ANTXRL: variants seen among roughly 807,000 people sequenced by gnomAD.
ANTXRL encodes the protein anthrax toxin receptor-like.
In ANTXRL, 63 loss-of-function variants were observed where a neutral mutation model predicts 75.4. The ratio of observed to expected loss-of-function variants is 0.84; its 90% CI spans 0.68 to 1.03. The LOEUF is 1.03. Among genes scored for constraint, ANTXRL ranks in the 50% least tolerant of loss-of-function variants. The pLI, the probability that ANTXRL is intolerant of heterozygous loss-of-function variation, is 0.00. For synonymous variants in ANTXRL, 335 were observed against 291.3 expected, an observed-to-expected ratio of 1.15 and a Z score of -1.53; for missense variants, 797 against 789.4, an observed-to-expected ratio of 1.01 and a Z score of -0.12.
upstream of ANTXRL, among the ~76,000 whole-genome samples, chr10:46,286,790 C>CCTAA (rs1378698446): frequency 6.6e-6 from 1 of 152,144 alleles, no homozygotes; most frequent in African/African-American, 2.4e-5. Context: ...AATGTCCTCA[C>CCTAA]CTAACTCACC....
intron 9 of ANTXRL, among the ~76,000 whole-genome samples, chr10:46,300,838 T>G (rs1470915110): frequency 2.6e-5 from 4 of 152,150 alleles, no homozygotes. Flanking sequence ...ATTTTCTTAT[T>G]TAGTTCTTTG....
chr10:46,310,053 G>T (rs1445484353), intron 13 of ANTXRL, among the ~76,000 whole-genome samples: 3 of 152,148 alleles, frequency 2.0e-5, no homozygotes, highest in African/African-American at 7.2e-5. Context: ...AGGGGAGGAA[G>T]CCCGGGACTC....
intron 13 of ANTXRL, among the ~76,000 whole-genome samples, chr10:46,310,234 A>G (rs114711352): frequency 0.032 from 4,815 of 152,074 alleles, 247 homozygotes; most frequent in African/African-American, 0.11. Flanking sequence ...ACCCCTAGGA[A>G]CCCCACAGCG....
chr10:46,305,674 T>A (rs868947083), intron 10 of ANTXRL, among the ~76,000 whole-genome samples: 2 of 152,058 alleles, frequency 1.3e-5, no homozygotes, highest in African/African-American at 4.8e-5. Context: ...GTGAAAAGGG[T>A]GTGGGCTCAG....
intron 13 of ANTXRL, 88 bp from the exon 14 acceptor site, chr10:46,310,373 C>G (rs1838351142): frequency 1.5e-6 from 2 of 1,297,912 alleles, no homozygotes; most frequent in South Asian, 2.5e-5. Context: ...TCCTGGTGCT[C>G]CAGGCCAGGG....
chr10:46,309,787 G>A (rs1838315121), intron 13 of ANTXRL, among the ~76,000 whole-genome samples: 1 of 152,132 alleles, frequency 6.6e-6, no homozygotes, highest in Non-Finnish European at 1.5e-5. Context: ...ATTCCCCACA[G>A]GCAGCTCACA....
intron 10 of ANTXRL, among the ~76,000 whole-genome samples, chr10:46,303,806 G>A (rs563961403): frequency 1.3e-3 from 205 of 152,220 alleles, no homozygotes; most frequent in South Asian, 1.9e-3. Flanking sequence ...TGGGTGCTGG[G>A]GGTGGGGTGT....
At chr10:46,289,200 G>A (rs1427467898) in intron 1 of ANTXRL, among the ~76,000 whole-genome samples, 1 of 152,176 alleles carries the variant, frequency 6.6e-6, no homozygotes, top group Non-Finnish European at 1.5e-5. Flanking sequence ...ATTGGATTGA[G>A]CTGGAAGAAA....
At position 46,302,817 on chromosome 10, in the gene ANTXRL, A is replaced by G; in HGVS notation, c.892A>G (p.Ile298Val). The G allele has an allele frequency of 6.5e-7, 1 of 1,533,264 alleles. No homozygotes were observed. The highest frequency in any genetic ancestry group is 8.7e-7 in the Non-Finnish European group (1 of 1,144,392). 95.0% of individuals were successfully genotyped at this position (1,533,264 alleles called of 1,614,324 possible). Reference protein sequence around the residue: ...CRFIFNESTIIDEKPTSIDNN... With the variant: ...CRFIFNESTIVDEKPTSIDNN... ...ATTTATCTTCAATGAAAGCACTATC[A>G]TTGGTAAGTTGTCTCCTCTGTGCCT... The change falls in exon 10 of 17, where the codon ATT becomes GTT. Residue 298 changes from isoleucine to valine, a missense_variant. By Grantham distance (29) the Ile-to-Val change is conservative. Transcript: ENST00000620264.
Position 46,311,481 on chromosome 10 carries a change from T to G in ANTXRL, c.1174-29T>G, listed in dbSNP as rs1420282797. ...CCAGCACTGTGCCCTGCCAGCACTG[T>G]GAGCAGACAGTTGTTTTTCTTTTTT... On this transcript the variant is annotated intron_variant, in intron 14 of 16. Coordinates refer to ENST00000620264, the MANE Select transcript of ANTXRL (RefSeq NM_001278688.3). 3.3e-6 allele frequency: 5 copies of G among 1,512,366 alleles called. No individual in the cohort carries two copies. In the Admixed American group the frequency reaches 8.1e-5, roughly 25 times the overall value. The allele number at this position is 1,512,366 out of a possible 1,614,324, so 93.7% of individuals were successfully genotyped here. A position where few individuals can be genotyped will look rare whatever the true frequency, so the allele number is the denominator to read the frequency against.
In ANTXRL at chr10:46,296,109, C is replaced by A; in HGVS notation, c.474+9C>A. 1 of 1,535,374 alleles carries A rather than the reference C, an allele frequency of 6.5e-7. No individual in the cohort carries two copies. Among genetic ancestry groups the A allele is most frequent in the Non-Finnish European group, 8.7e-7 (1 of 1,146,616 alleles). On this transcript the variant is annotated intron_variant, in intron 4 of 16. Transcript: ENST00000620264. The stretch of plus-strand genomic sequence containing the variant: ...AGGCAGGATTTAGAAAGGTATAGAC[C>A]CCTTGATCTCCTAACCCTAACCCTA...
In ANTXRL at chr10:46,319,407, G is replaced by A. The variant is rs139660722; in HGVS notation, c.1410+6091G>A. Among the ~76,000 whole-genome samples, 165 of 152,242 alleles carry A rather than the reference G, an allele frequency of 1.1e-3. 1 individual carries two copies. The South Asian group carries it at 0.012, about 11-fold the overall frequency. Reference sequence around the variant, plus strand: ...AATGGATGGTTGCATACAACACATCGAAGATTTTAGAGGGTTCAGTGGACC... The same window carrying A: ...AATGGATGGTTGCATACAACACATCAAAGATTTTAGAGGGTTCAGTGGACC... On this transcript the variant is annotated intron_variant, in intron 16 of 16. Coordinates refer to ENST00000620264, the MANE Select transcript of ANTXRL (RefSeq NM_001278688.3).
At chr10:46,297,969 T>C in intron 8 of ANTXRL, 33 bp from the exon 9 acceptor site, 1 of 1,535,784 alleles carries the variant, frequency 6.5e-7, no homozygotes, top group Non-Finnish European at 8.7e-7. Flanking sequence ...AAGCTCACTC[T>C]CCCTGTCCCG....
chr10:46,293,271 C>CGT (rs141648508), intron 2 of ANTXRL, among the ~76,000 whole-genome samples: 60,634 of 132,456 alleles, frequency 0.46, 12,252 homozygotes, highest in Middle Eastern at 0.53. Flanking sequence ...TATACCTGTG[C>CGT]GTGTGTGAGA....
At chr10:46,304,023 G>A (rs1554961221) in intron 10 of ANTXRL, among the ~76,000 whole-genome samples, 1 of 152,170 alleles carries the variant, frequency 6.6e-6, no homozygotes, top group South Asian at 2.1e-4. Context: ...TACATAGGAA[G>A]GGGCTGAGCC....
At position 46,287,026 on chromosome 10, in the gene ANTXRL, G is replaced by A. The variant is rs1836792349; in HGVS notation, c.-237G>A. The stretch of plus-strand genomic sequence containing the variant: ...ACAGAGAATTCTGTCCCCAGGGTGG[G>A]GGAAGGGCCAGGCAGGTAGCTGGAA... On this transcript the variant is annotated 5_prime_UTR_variant, in exon 1 of 17. Transcript: ENST00000620264. The A allele has an allele frequency of 3.5e-6, 2 of 578,838 alleles. No individual in the cohort carries two copies. The highest frequency in any genetic ancestry group is 6.1e-6 in the Non-Finnish European group (2 of 330,082). The allele number at this position is 578,838 out of a possible 1,614,324, so 35.9% of individuals were successfully genotyped here. A position where few individuals can be genotyped will look rare whatever the true frequency, so the allele number is the denominator to read the frequency against.
chr10:46,302,380 A>G (rs1418202722), intron 9 of ANTXRL, among the ~76,000 whole-genome samples: 3 of 152,126 alleles, frequency 2.0e-5, no homozygotes, highest in Admixed American at 6.5e-5. Flanking sequence ...CACGGCCTGC[A>G]CACCTGGGGC....
intron 15 of ANTXRL, 47 bp from the exon 16 acceptor site, chr10:46,313,189 G>T (rs1838527830): frequency 1.3e-6 from 2 of 1,483,096 alleles, no homozygotes; most frequent in Non-Finnish European, 1.8e-6. Flanking sequence ...CCTTCTGGAG[G>T]CAGTGTCCAA....
Position 46,290,435 on chromosome 10 carries a change from C to A in ANTXRL, c.249-1623C>A, listed in dbSNP as rs73289319. ...GCTATGAACGCTGGTGTATACGTAT[C>A]TCTTGGAGTCCCTACTCTCACTTCT... On this transcript the variant is annotated intron_variant, in intron 1 of 16. Coordinates refer to ENST00000620264, the MANE Select transcript of ANTXRL (RefSeq NM_001278688.3). Among the ~76,000 whole-genome samples the A allele has an allele frequency of 8.2e-3, 1,246 of 152,260 alleles. 11 individuals are homozygous for A. The highest frequency in any genetic ancestry group is 0.029 in the African/African-American group (1,189 of 41,520).
Sources: allele counts gnomAD v4.1 joint callset (sites outside exome capture counted in the v4.1 genomes callset), GRCh38; gene constraint gnomAD v4.1.1; transcripts MANE v1.5; gene names NCBI Gene and HGNC (gene_info 2026-07-23, HGNC 2026-07-21).